CNTNAP2: variants seen among roughly 807,000 people sequenced by gnomAD.
CNTNAP2 encodes the protein contactin-associated protein-like 2.
In CNTNAP2, 98 loss-of-function variants were observed where a neutral mutation model predicts 155.2. That is an observed-to-expected ratio of 0.63 (90% confidence interval 0.54 to 0.75). The LOEUF is 0.75. Ranked by LOEUF, CNTNAP2 falls within the 30% of genes least tolerant of loss-of-function variation. The pLI is 0.00. For missense variants in CNTNAP2, 1,727 were observed against 1,688.1 expected, an observed-to-expected ratio of 1.02 and a Z score of -0.40; for synonymous variants, 651 against 631.2, an observed-to-expected ratio of 1.03 and a Z score of -0.47.
At chr7:146,220,594 G>T (rs578095834) in intron 1 of CNTNAP2, among the ~76,000 whole-genome samples, 2 of 152,146 alleles carry the variant, frequency 1.3e-5, no homozygotes, top group East Asian at 3.9e-4. Context: ...TAATGAATTG[G>T]ATTATACACT....
intron 21 of CNTNAP2, among the ~76,000 whole-genome samples, chr7:148,295,539 G>T (rs112192295): frequency 0.38 from 51,980 of 137,808 alleles, 10,960 homozygotes; most frequent in African/African-American, 0.53. Flanking sequence ...TCGCCCAGGC[G>T]GGAGTGCTGT....
Position 148,047,820 on chromosome 7 carries a change from A to T in CNTNAP2, c.2383+69831A>T, listed in dbSNP as rs1223028972. On this transcript the variant is annotated intron_variant, in intron 15 of 23. Coordinates refer to ENST00000361727, the MANE Select transcript of CNTNAP2 (RefSeq NM_014141.6). ...TGGAATCCGCAAATAATTACTGTTG[A>T]CTACACCATCCTTTTGAACAAAAAT... Among the ~76,000 whole-genome samples the T allele has an allele frequency of 2.0e-5, 3 of 152,214 alleles. No homozygotes were observed. In the East Asian group the frequency reaches 5.8e-4, roughly 29 times the overall value.
At chr7:147,441,836 T>C (rs1310772787) in intron 10 of CNTNAP2, among the ~76,000 whole-genome samples, 1 of 146,432 alleles carries the variant, frequency 6.8e-6, no homozygotes, top group African/African-American at 2.5e-5. Context: ...TCTCTCTCTC[T>C]CTCTCTCTCT....
intron 3 of CNTNAP2, among the ~76,000 whole-genome samples, chr7:146,857,037 G>A (rs941712749): frequency 6.6e-6 from 1 of 152,082 alleles, no homozygotes; most frequent in African/African-American, 2.4e-5. Flanking sequence ...AGGTTTATTC[G>A]ATGTAGCAAT....
At chr7:146,913,350 G>T (rs574403924) in intron 3 of CNTNAP2, among the ~76,000 whole-genome samples, 1 of 152,264 alleles carries the variant, frequency 6.6e-6, no homozygotes, top group South Asian at 2.1e-4. Context: ...AGGGGTTTGT[G>T]ATTTTCCTGT....
intron 1 of CNTNAP2, among the ~76,000 whole-genome samples, chr7:146,703,353 A>G (rs1258456503): frequency 6.6e-6 from 1 of 152,112 alleles, no homozygotes; most frequent in African/African-American, 2.4e-5. Flanking sequence ...GTGTACGAAA[A>G]AATGCAGAAA....
intron 1 of CNTNAP2, among the ~76,000 whole-genome samples, chr7:146,237,458 G>A (rs1460491322): frequency 6.6e-6 from 1 of 152,192 alleles, no homozygotes; most frequent in Non-Finnish European, 1.5e-5. Flanking sequence ...GACATACTTT[G>A]CATTGCGTCT....
At chr7:146,546,717 G>A (rs1050189708) in intron 1 of CNTNAP2, among the ~76,000 whole-genome samples, 3 of 151,932 alleles carry the variant, frequency 2.0e-5, no homozygotes. Flanking sequence ...AATCATGGTA[G>A]AAGGTGAAGG....
At chr7:147,601,786 C>A (rs540257112) in intron 12 of CNTNAP2, among the ~76,000 whole-genome samples, 1 of 151,458 alleles carries the variant, frequency 6.6e-6, no homozygotes, top group Admixed American at 6.6e-5. Context: ...TATGTACAAT[C>A]GGATTGAATT....
intron 13 of CNTNAP2, among the ~76,000 whole-genome samples, chr7:147,828,076 A>G (rs1392349739): frequency 6.6e-6 from 1 of 152,188 alleles, no homozygotes. Context: ...TCAACGAATG[A>G]AGAAAGAAAC....
chr7:146,611,264 A>AT (rs983426961), intron 1 of CNTNAP2, among the ~76,000 whole-genome samples: 26 of 151,588 alleles, frequency 1.7e-4, no homozygotes, highest in Non-Finnish European at 3.4e-4. Flanking sequence ...TTTTTGCTTT[A>AT]TTTTTTTGTC....
chr7:147,132,106 T>G, intron 7 of CNTNAP2, 139 bp from the exon 8 acceptor site: 1 of 1,079,460 alleles, frequency 9.3e-7, no homozygotes, highest in Non-Finnish European at 1.4e-6. Flanking sequence ...ACTGAATCCA[T>G]GCTCTGCTGC....
At chr7:146,627,438 T>G (rs1172287104) in intron 1 of CNTNAP2, among the ~76,000 whole-genome samples, 1 of 152,170 alleles carries the variant, frequency 6.6e-6, no homozygotes, top group East Asian at 1.9e-4. Context: ...GTACTGTATC[T>G]AGAAAAGAAA....
At chr7:146,971,800 A>C (rs1017449338) in intron 3 of CNTNAP2, among the ~76,000 whole-genome samples, 1 of 151,840 alleles carries the variant, frequency 6.6e-6, no homozygotes, top group African/African-American at 2.4e-5. Context: ...ACCTGCTAAT[A>C]CCCCCACCTG....
At chr7:148,178,813 T>C (rs1226213381) in intron 18 of CNTNAP2, among the ~76,000 whole-genome samples, 2 of 152,246 alleles carry the variant, frequency 1.3e-5, no homozygotes, top group Admixed American at 1.3e-4. Flanking sequence ...CTTTTCATTC[T>C]TAGCAGCTCT....
intron 2 of CNTNAP2, among the ~76,000 whole-genome samples, chr7:146,793,254 A>T (rs1802706285): frequency 1.3e-5 from 2 of 152,216 alleles, no homozygotes; most frequent in Non-Finnish European, 2.9e-5. Flanking sequence ...TTGCTCCCAA[A>T]ATATCTAAAA....
intron 13 of CNTNAP2, among the ~76,000 whole-genome samples, chr7:147,839,917 GTGC>G (rs1479637721): frequency 7.6e-5 from 11 of 145,610 alleles, no homozygotes; most frequent in African/African-American, 2.6e-4. Context: ...GTGTGTGTGT[GTGC>G]TGTGTATATA....
intron 3 of CNTNAP2, among the ~76,000 whole-genome samples, chr7:146,922,431 G>A (rs1044972293): frequency 3.3e-5 from 5 of 152,056 alleles, no homozygotes; most frequent in Non-Finnish European, 7.4e-5. Context: ...TGTCCTGAAC[G>A]TAGTGGTGAG....
At chr7:148,324,338 C>G (rs1797853079) in intron 21 of CNTNAP2, among the ~76,000 whole-genome samples, 1 of 152,204 alleles carries the variant, frequency 6.6e-6, no homozygotes. Context: ...TCACCTTCTC[C>G]TGGCCTTCCT....
Sources: allele counts gnomAD v4.1 joint callset (sites outside exome capture counted in the v4.1 genomes callset), GRCh38; gene constraint gnomAD v4.1.1; transcripts MANE v1.5; gene names NCBI Gene and HGNC (gene_info 2026-07-23, HGNC 2026-07-21).